The following CHL1 variants were observed in gnomAD, a reference collection of about 807,000 sequenced individuals.
CHL1 encodes the protein neural cell adhesion molecule L1-like protein.
A neutral mutation model predicts 141.9 loss-of-function variants in CHL1; 96 were observed. The ratio of observed to expected loss-of-function variants is 0.68; its 90% CI spans 0.57 to 0.80. The LOEUF (loss-of-function observed/expected upper bound fraction) is 0.80, where lower values mean the gene tolerates loss of function less well. Ranked by LOEUF, CHL1 falls within the 30% of genes least tolerant of loss-of-function variation. The pLI is 0.00. For missense variants in CHL1, 1,820 were observed against 1,457.2 expected (o/e 1.25, Z -4.05); for synonymous variants, 613 against 502.2 (o/e 1.22, Z -2.95).
intron 2 of CHL1, chr3:247,728 T>TA (rs776444919): frequency 1.3e-4 from 20 of 152,110 alleles, no homozygotes; most frequent in Admixed American, 9.2e-4. Flanking sequence ...TAGCCCCACA[T>TA]AGCCAAGTGG....
chr3:400,975 C>T (rs1264488138), intron 26 of CHL1, among the ~76,000 whole-genome samples: 2 of 137,082 alleles, frequency 1.5e-5, no homozygotes, highest in Admixed American at 8.4e-5. Context: ...TATCTCATCT[C>T]TTTGCAACTT....
chr3:390,035 G>A (rs1028451583), intron 20 of CHL1, among the ~76,000 whole-genome samples: 3 of 152,182 alleles, frequency 2.0e-5, no homozygotes, highest in East Asian at 1.9e-4. Context: ...AATATTAGGG[G>A]TTATTCTCAT....
At chr3:231,379 G>A (rs1341972811) in intron 1 of CHL1, among the ~76,000 whole-genome samples, 2 of 151,904 alleles carry the variant, frequency 1.3e-5, no homozygotes, top group Admixed American at 6.6e-5. Flanking sequence ...CCCTTGAACA[G>A]AGTAGATAAT....
chr3:389,229 A>G, intron 19 of CHL1, 23 bp from the exon 20 acceptor site: 4 of 1,561,978 alleles, frequency 2.6e-6, no homozygotes, highest in Non-Finnish European at 3.5e-6. Flanking sequence ...ATCAGACTAA[A>G]TGAGTCTTGC....
At chr3:370,395 T>A (rs1575191938) in intron 15 of CHL1, among the ~76,000 whole-genome samples, 1 of 152,222 alleles carries the variant, frequency 6.6e-6, no homozygotes, top group Non-Finnish European at 1.5e-5. Context: ...GAGGTGTTTA[T>A]AGTATTCTTT....
chr3:356,411 A>G (rs2125236123), intron 11 of CHL1, among the ~76,000 whole-genome samples: 1 of 152,296 alleles, frequency 6.6e-6, no homozygotes. Context: ...ATTCAATAAT[A>G]TTTATGGGGT....
intron 2 of CHL1, among the ~76,000 whole-genome samples, chr3:260,592 A>T (rs1472074669): frequency 1.3e-5 from 2 of 152,224 alleles, no homozygotes; most frequent in African/African-American, 4.8e-5. Flanking sequence ...AGGCACAGGC[A>T]CTTGCAGACT....
chr3:297,012 G>C (rs1698248085), intron 2 of CHL1, among the ~76,000 whole-genome samples: 1 of 152,008 alleles, frequency 6.6e-6, no homozygotes, highest in Non-Finnish European at 1.5e-5. Flanking sequence ...AGATAGGAGA[G>C]GTACAAAGGA....
intron 15 of CHL1, among the ~76,000 whole-genome samples, chr3:369,968 A>C (rs368748324): frequency 2.6e-5 from 4 of 152,300 alleles, no homozygotes; most frequent in South Asian, 4.1e-4. Context: ...ATGGTGGATA[A>C]GTTTTTTGAT....
rs534187246 is a variant in CHL1 at position 234,733 on chromosome 3, T to C, written c.-174-9880T>C. The stretch of plus-strand genomic sequence containing the variant: ...CAGAGTAATATCCTGAGATTGGCTA[T>C]GTTTAGACAAGTTCCTATTTTGGGG... On this transcript the variant is annotated intron_variant, in intron 1 of 27. Transcript: ENST00000256509. 3.3e-5 allele frequency among the ~76,000 whole-genome samples: 5 copies of C among 152,224 alleles called. No homozygotes were observed. In the South Asian group the frequency reaches 1.0e-3, roughly 32 times the overall value.
chr3:262,988 A>G (rs1189507369), intron 2 of CHL1, among the ~76,000 whole-genome samples: 2 of 152,230 alleles, frequency 1.3e-5, no homozygotes, highest in South Asian at 4.1e-4. Flanking sequence ...GACCTTGTTT[A>G]GCTATTTCAA....
At chr3:277,247 T>A (rs1180580624) in intron 2 of CHL1, among the ~76,000 whole-genome samples, 2 of 152,158 alleles carry the variant, frequency 1.3e-5, no homozygotes, top group African/African-American at 2.4e-5. Context: ...TATTATTTGA[T>A]AAAGTGCTAA....
At chr3:284,854 G>A (rs9990005) in intron 2 of CHL1, among the ~76,000 whole-genome samples, 10,855 of 151,970 alleles carry the variant, frequency 0.071, 443 homozygotes, top group African/African-American at 0.085. Flanking sequence ...CTATGAGTAC[G>A]TGGATTCATT....
Position 380,814 on chromosome 3 carries a change from A to G in CHL1, c.1877-1365A>G, listed in dbSNP as rs186146934. Among the ~76,000 whole-genome samples the G allele has an allele frequency of 3.1e-3, 466 of 152,348 alleles. 2 individuals carry two copies. The highest frequency in any genetic ancestry group is 0.011 in the African/African-American group (438 of 41,582). ...GACCTAATGTTTATTGCTTTAATATAATAATTATACACATGATTGAAGTAA... is the reference window on the plus strand; with the variant it reads ...GACCTAATGTTTATTGCTTTAATATGATAATTATACACATGATTGAAGTAA... On this transcript the variant is annotated intron_variant, in intron 16 of 27. Transcript: ENST00000256509.
intron 5 of CHL1, among the ~76,000 whole-genome samples, chr3:340,327 TTTTA>T (rs1359851989): frequency 6.6e-6 from 1 of 152,202 alleles, no homozygotes; most frequent in Non-Finnish European, 1.5e-5. Flanking sequence ...GCTGGGAAGT[TTTTA>T]TTTAGTGTGG....
Position 407,910 on chromosome 3 carries a change from G to T in CHL1, c.*2199G>T, listed in dbSNP as rs566716050. 6.6e-6 allele frequency: 1 copy of T among 152,206 alleles called. No homozygotes were observed. Among genetic ancestry groups the T allele is most frequent in the East Asian group, 1.9e-4 (1 of 5,178 alleles). The allele number at this position is 152,206 out of a possible 1,614,324, so 9.4% of individuals were successfully genotyped here. A position where few individuals can be genotyped will look rare whatever the true frequency, so the allele number is the denominator to read the frequency against. On this transcript the variant is annotated 3_prime_UTR_variant, in exon 28 of 28. Coordinates refer to ENST00000256509, the MANE Select transcript of CHL1 (RefSeq NM_006614.4). ...GATCTTCTGAGTGGCTAAAACTTAT[G>T]GATATGAAAAATGAGATTGAATGAT...
At chr3:298,035 A>T (rs1348162354) in intron 2 of CHL1, among the ~76,000 whole-genome samples, 1 of 152,188 alleles carries the variant, frequency 6.6e-6, no homozygotes, top group Non-Finnish European at 1.5e-5. Flanking sequence ...ATGCACTCCA[A>T]AGTGGACTTG....
intron 1 of CHL1, among the ~76,000 whole-genome samples, chr3:204,926 T>A (rs1328052827): frequency 6.6e-6 from 1 of 152,162 alleles, no homozygotes; most frequent in African/African-American, 2.4e-5. Flanking sequence ...TGTTAGCCCA[T>A]TTTATAGATG....
chr3:366,563 CAT>C (rs553183724), intron 15 of CHL1, among the ~76,000 whole-genome samples: 90 of 151,668 alleles, frequency 5.9e-4, no homozygotes, highest in Non-Finnish European at 1.0e-3. Context: ...ACTCTGCTAT[CAT>C]ATGTTTATCA....
Sources: gnomAD v4.1 joint callset for allele counts (sites outside exome capture counted in the v4.1 genomes callset) on GRCh38, gnomAD v4.1.1 for gene constraint, MANE v1.5 for transcripts, NCBI Gene and HGNC (gene_info 2026-07-23, HGNC 2026-07-21) for gene names.